The following PACSIN2 variants were observed in gnomAD, a reference collection of about 807,000 sequenced individuals.
PACSIN2 encodes the protein protein kinase C and casein kinase substrate in neurons protein 2.
PACSIN2 carries 25 observed loss-of-function variants against 63.8 expected under a neutral mutation model. That is an observed-to-expected ratio of 0.39 (90% confidence interval 0.29 to 0.55). The LOEUF is 0.55. PACSIN2 is among the 20% of genes least tolerant of loss of function. The pLI, the probability that PACSIN2 is intolerant of heterozygous loss-of-function variation, is 0.62. For synonymous variants in PACSIN2, 255 were observed against 256.2 expected, an observed-to-expected ratio of 1.00 and a Z score of 0.05; for missense variants, 518 against 646.9, an observed-to-expected ratio of 0.80 and a Z score of 2.16.
At chr22:42,875,083 CTCGTGA>C (rs1287682257) in intron 10 of PACSIN2, among the ~76,000 whole-genome samples, 1 of 151,910 alleles carries the variant, frequency 6.6e-6, no homozygotes, top group Non-Finnish European at 1.5e-5. Context: ...ATCTCCTGAC[CTCGTGA>C]TCTGTGTGCC....
At chr22:42,909,748 T>A (rs544677223) in intron 2 of PACSIN2, among the ~76,000 whole-genome samples, 1 of 152,354 alleles carries the variant, frequency 6.6e-6, no homozygotes, top group East Asian at 1.9e-4. Context: ...CAATATACAC[T>A]GGCAACGTTC....
chr22:42,943,428 T>C (rs960137506), intron 1 of PACSIN2, among the ~76,000 whole-genome samples: 8 of 152,198 alleles, frequency 5.3e-5, no homozygotes, highest in Non-Finnish European at 1.0e-4. Context: ...AGTACAATAT[T>C]GAGCAGAAGG....
At chr22:42,882,805 C>T (rs980993934) in intron 6 of PACSIN2, among the ~76,000 whole-genome samples, 6 of 152,130 alleles carry the variant, frequency 3.9e-5, no homozygotes, top group African/African-American at 1.4e-4. Flanking sequence ...ATCATCGGCT[C>T]ACCTTCCTAG....
At chr22:42,954,894 G>A (rs1933849666) in intron 1 of PACSIN2, among the ~76,000 whole-genome samples, 1 of 152,100 alleles carries the variant, frequency 6.6e-6, no homozygotes, top group Admixed American at 6.5e-5. Context: ...AACTGGTTTG[G>A]ATCTGATAAA....
intron 4 of PACSIN2, among the ~76,000 whole-genome samples, chr22:42,890,251 C>T (rs1929808550): frequency 1.3e-5 from 2 of 152,110 alleles, no homozygotes; most frequent in African/African-American, 4.8e-5. Flanking sequence ...CCGCCTGCCT[C>T]AGCCTCCCAA....
intron 1 of PACSIN2, among the ~76,000 whole-genome samples, chr22:42,995,030 G>A (rs1923304242): frequency 6.6e-6 from 1 of 152,198 alleles, no homozygotes; most frequent in African/African-American, 2.4e-5. Context: ...CTCCCTCTCA[G>A]GACCCTGCTT....
chr22:42,886,124 G>C (rs1465217743), intron 5 of PACSIN2, among the ~76,000 whole-genome samples: 4 of 152,072 alleles, frequency 2.6e-5, no homozygotes, highest in African/African-American at 9.7e-5. Context: ...TCCACCTCTG[G>C]GCTGCCCCTG....
intron 2 of PACSIN2, among the ~76,000 whole-genome samples, chr22:42,899,343 G>A (rs958516637): frequency 1.3e-5 from 2 of 152,142 alleles, no homozygotes; most frequent in Non-Finnish European, 2.9e-5. Context: ...CTGAAGCGCA[G>A]TGGTGCCATC....
At chr22:42,991,175 T>C (rs181990612) in intron 1 of PACSIN2, among the ~76,000 whole-genome samples, 2 of 152,280 alleles carry the variant, frequency 1.3e-5, no homozygotes, top group South Asian at 2.1e-4. Context: ...TGCTGTACAA[T>C]GGTATAGACT....
chr22:42,888,280 ACCATTCACACCTGCCACCAGCCACAC>A (rs970645567), intron 5 of PACSIN2, among the ~76,000 whole-genome samples: 2 of 151,900 alleles, frequency 1.3e-5, no homozygotes, highest in Non-Finnish European at 2.9e-5. Context: ...ACTGGCCACA[ACCATTCACACCTGCCACCAGCCACAC>A]CCATTCACAC....
Position 42,924,810 on chromosome 22 carries a change from G to A in PACSIN2, c.-77-12653C>T, listed in dbSNP as rs540626511. ...CTAGCTCTGTCGCCCAGGCTGAAGC[G>A]CAGTGGCACGATCTCAGATCACTGC... On this transcript the variant is annotated intron_variant, in intron 1 of 10. Transcript: ENST00000263246. Among the ~76,000 whole-genome samples, 29 of 150,546 alleles carry A rather than the reference G, an allele frequency of 1.9e-4. 1 individual carries two copies. The South Asian group carries it at 6.1e-3, about 32-fold the overall frequency.
chr22:42,906,050 G>A (rs1396738374), intron 2 of PACSIN2, among the ~76,000 whole-genome samples: 1 of 152,276 alleles, frequency 6.6e-6, no homozygotes, highest in Non-Finnish European at 1.5e-5. Context: ...AGGGGACAGT[G>A]GCCATGGACA....
At position 42,882,284 on chromosome 22, in the gene PACSIN2, T is replaced by C; in HGVS notation, c.806A>G (p.Asp269Gly). The C allele has an allele frequency of 6.2e-7, 1 of 1,612,870 alleles. No individual in the cohort carries two copies. Among genetic ancestry groups the C allele is most frequent in the Non-Finnish European group, 8.5e-7 (1 of 1,179,456 alleles). ...AGCTGCTCTGATGCTCTGCTCCAGG[T>C]CATGGTAAATGGCTTTGTAGCTAAA... ...NVAGYKAIYH[D>G]LEQSIRAADA... is the part of the protein sequence containing the mutation. The change falls in exon 7 of 11, where the codon GAC (aspartate) becomes GGC (glycine). Residue 269 changes from aspartate to glycine, a missense_variant. Asp to Gly is a moderately conservative substitution (Grantham distance 94). Transcript: ENST00000263246.
intron 2 of PACSIN2, among the ~76,000 whole-genome samples, chr22:42,910,158 C>T (rs932006978): frequency 6.6e-6 from 1 of 152,186 alleles, no homozygotes; most frequent in Non-Finnish European, 1.5e-5. Context: ...AATGTCTTCA[C>T]CTGTCCCCAT....
At chr22:42,978,177 G>T (rs544498094) in intron 1 of PACSIN2, among the ~76,000 whole-genome samples, 1 of 152,078 alleles carries the variant, frequency 6.6e-6, no homozygotes, top group East Asian at 1.9e-4. Context: ...TAAATTCAGG[G>T]GTGTGTAAGC....
intron 1 of PACSIN2, among the ~76,000 whole-genome samples, chr22:42,972,509 T>C (rs539582287): frequency 2.0e-5 from 3 of 152,130 alleles, no homozygotes; most frequent in South Asian, 4.1e-4. Context: ...CAATAAATAC[T>C]AAATATATAT....
intron 2 of PACSIN2, among the ~76,000 whole-genome samples, chr22:42,911,155 C>T (rs1402305981): frequency 2.0e-5 from 3 of 152,036 alleles, no homozygotes; most frequent in Non-Finnish European, 4.4e-5. Context: ...CCACCCGCCT[C>T]GGCCTCCCAA....
At chr22:42,910,038 C>T (rs769577859) in intron 2 of PACSIN2, among the ~76,000 whole-genome samples, 3 of 152,188 alleles carry the variant, frequency 2.0e-5, no homozygotes, top group Non-Finnish European at 4.4e-5. Flanking sequence ...TTACCCCCAT[C>T]TTATAGATTG....
intron 2 of PACSIN2, among the ~76,000 whole-genome samples, chr22:42,898,273 TTTTC>T (rs1930428945): frequency 8.2e-6 from 1 of 121,990 alleles, no homozygotes; most frequent in Non-Finnish European, 1.9e-5. Context: ...ACCTCCTTCC[TTTTC>T]TTTTTTTTTT....
Sources: allele counts gnomAD v4.1 joint callset (sites outside exome capture counted in the v4.1 genomes callset), GRCh38; gene constraint gnomAD v4.1.1; transcripts MANE v1.5; gene names NCBI Gene and HGNC (gene_info 2026-07-23, HGNC 2026-07-21).